CDH13: variants seen among roughly 807,000 people sequenced by gnomAD.
The protein encoded by CDH13 is cadherin-13.
Under a neutral mutation model 63.8 loss-of-function variants are expected in CDH13, and 24 were observed. The observed-to-expected ratio is 0.38, with a 90% CI of 0.27 to 0.53. The LOEUF (loss-of-function observed/expected upper bound fraction) is 0.53, where lower values mean the gene tolerates loss of function less well. CDH13 is among the 20% of genes least tolerant of loss of function. The pLI, the probability that CDH13 is intolerant of heterozygous loss-of-function variation, is 0.85. For missense variants in CDH13, 1,049 were observed against 903.1 expected, an observed-to-expected ratio of 1.16 and a Z score of -2.07; for synonymous variants, 503 against 355.3, an observed-to-expected ratio of 1.42 and a Z score of -4.67.
At chr16:83,229,334 C>T (rs1018675671) in intron 5 of CDH13, among the ~76,000 whole-genome samples, 2 of 152,212 alleles carry the variant, frequency 1.3e-5, no homozygotes, top group African/African-American at 4.8e-5. Flanking sequence ...GCTCTGCCTT[C>T]AAGTTTCCCT....
intron 5 of CDH13, among the ~76,000 whole-genome samples, chr16:83,342,528 C>G (rs996525376): frequency 3.9e-5 from 6 of 152,204 alleles, no homozygotes; most frequent in Admixed American, 3.9e-4. Context: ...GAGTCAAACT[C>G]TGATTAGTTT....
intron 2 of CDH13, among the ~76,000 whole-genome samples, chr16:82,982,574 T>C (rs541035457): frequency 6.6e-6 from 1 of 152,298 alleles, no homozygotes; most frequent in South Asian, 2.1e-4. Context: ...ATGTGGAAGA[T>C]TTTTTCTGAT....
intron 1 of CDH13, among the ~76,000 whole-genome samples, chr16:82,731,889 C>G (rs1384106431): frequency 6.6e-6 from 1 of 152,126 alleles, no homozygotes; most frequent in Non-Finnish European, 1.5e-5. Flanking sequence ...TTAACATTAC[C>G]AGAATATCAC....
chr16:83,292,105 G>T (rs1332623231), intron 5 of CDH13, among the ~76,000 whole-genome samples: 2 of 152,122 alleles, frequency 1.3e-5, no homozygotes, highest in African/African-American at 2.4e-5. Context: ...GAAGTGTCAG[G>T]TTGTAACAAA....
intron 7 of CDH13, among the ~76,000 whole-genome samples, chr16:83,501,860 C>T (rs912014088): frequency 2.6e-5 from 4 of 152,210 alleles, no homozygotes; most frequent in African/African-American, 9.7e-5. Context: ...ATTCATTGCT[C>T]CTGGACTTTT....
At chr16:83,567,812 G>T (rs1904297662) in intron 7 of CDH13, among the ~76,000 whole-genome samples, 1 of 151,926 alleles carries the variant, frequency 6.6e-6, no homozygotes, top group Non-Finnish European at 1.5e-5. Context: ...AGCCAGGATG[G>T]TCTCAATCTC....
intron 3 of CDH13, among the ~76,000 whole-genome samples, chr16:83,089,016 C>T: frequency 6.6e-6 from 1 of 152,180 alleles, no homozygotes; most frequent in East Asian, 1.9e-4. Context: ...GTGTGGATTA[C>T]AATGCCTAAA....
chr16:83,698,652 T>C (rs1421718318), intron 10 of CDH13, among the ~76,000 whole-genome samples: 2 of 152,196 alleles, frequency 1.3e-5, no homozygotes, highest in Non-Finnish European at 1.5e-5. Flanking sequence ...GATCTTATGA[T>C]CTAGCCTGGA....
rs1904293199 is a variant in CDH13 at position 83,798,328 on chromosome 16, TGAGGA to T, written c.*3299_*3303del. Reference sequence around the variant, plus strand: ...CAGGCACGAGCTCTCCAGATGATTCTGAGGAAAGGAGTCTACAATTTTCCTAGGGG... The same window carrying T: ...CAGGCACGAGCTCTCCAGATGATTCTAAGGAGTCTACAATTTTCCTAGGGG... On this transcript the variant is annotated 3_prime_UTR_variant, in exon 14 of 14. Coordinates refer to ENST00000567109, the MANE Select transcript of CDH13 (RefSeq NM_001257.5). 6.6e-6 allele frequency: 1 copy of T among 152,236 alleles called. No homozygotes were observed. Among genetic ancestry groups the T allele is most frequent in the South Asian group, 2.1e-4 (1 of 4,832 alleles). The allele number at this position is 152,236 out of a possible 1,614,324, so 9.4% of individuals were successfully genotyped here.
chr16:83,405,219 T>C (rs1311772573), intron 6 of CDH13, among the ~76,000 whole-genome samples: 2 of 152,190 alleles, frequency 1.3e-5, no homozygotes, highest in African/African-American at 2.4e-5. Context: ...GCTGTGTAAG[T>C]AGCTGTGTAA....
intron 2 of CDH13, among the ~76,000 whole-genome samples, chr16:82,927,391 G>T (rs1280546691): frequency 6.6e-6 from 1 of 152,124 alleles, no homozygotes; most frequent in Non-Finnish European, 1.5e-5. Flanking sequence ...CTCCCATACA[G>T]AATATAACTT....
At chr16:82,951,870 C>T (rs946812063) in intron 2 of CDH13, among the ~76,000 whole-genome samples, 9 of 152,152 alleles carry the variant, frequency 5.9e-5, no homozygotes, top group Non-Finnish European at 1.0e-4. Context: ...ATTTCTTTCC[C>T]AGGAGCCACA....
At chr16:82,928,886 T>A (rs9940486) in intron 2 of CDH13, among the ~76,000 whole-genome samples, 1 of 152,046 alleles carries the variant, frequency 6.6e-6, no homozygotes, top group Non-Finnish European at 1.5e-5. Context: ...CATTCTTCTG[T>A]GTATTGATAA....
chr16:83,468,550 C>A (rs768224012), intron 6 of CDH13, among the ~76,000 whole-genome samples: 4 of 152,144 alleles, frequency 2.6e-5, no homozygotes, highest in South Asian at 2.1e-4. Flanking sequence ...AAGGGTGAGC[C>A]ATTTGCATTA....
chr16:83,134,767 C>T (rs1034791780), intron 4 of CDH13, among the ~76,000 whole-genome samples: 1 of 152,178 alleles, frequency 6.6e-6, no homozygotes, highest in Non-Finnish European at 1.5e-5. Context: ...GTGTTGCCCT[C>T]CTGCAAATTT....
chr16:82,983,002 G>A (rs1018493422), intron 2 of CDH13, among the ~76,000 whole-genome samples: 23 of 152,098 alleles, frequency 1.5e-4, no homozygotes, highest in African/African-American at 5.3e-4. Context: ...TCCACCACAG[G>A]GAACACGACT....
At chr16:83,579,167 C>T (rs1905308050) in intron 7 of CDH13, among the ~76,000 whole-genome samples, 1 of 152,190 alleles carries the variant, frequency 6.6e-6, no homozygotes, top group Admixed American at 6.5e-5. Flanking sequence ...CTGAGGACCA[C>T]TCCATGCCCA....
chr16:83,336,632 C>G (rs966044872), intron 5 of CDH13, among the ~76,000 whole-genome samples: 1 of 152,204 alleles, frequency 6.6e-6, no homozygotes, highest in Non-Finnish European at 1.5e-5. Context: ...GAATGTTGAA[C>G]TATATCATCT....
At chr16:83,428,945 G>T (rs4782790) in intron 6 of CDH13, among the ~76,000 whole-genome samples, 16 of 152,022 alleles carry the variant, frequency 1.1e-4, no homozygotes, top group Non-Finnish European at 7.4e-5. Context: ...CAACTCTAGG[G>T]GTTTGTTCGG....
Sources: gnomAD v4.1 joint callset for allele counts (sites outside exome capture counted in the v4.1 genomes callset) on GRCh38, gnomAD v4.1.1 for gene constraint, MANE v1.5 for transcripts, NCBI Gene and HGNC (gene_info 2026-07-23, HGNC 2026-07-21) for gene names.